PDGFRL: variants seen among roughly 807,000 people sequenced by gnomAD.
PDGFRL encodes the protein platelet-derived growth factor receptor-like protein.
A neutral mutation model predicts 37.2 loss-of-function variants in PDGFRL; 46 were observed. That is an observed-to-expected ratio of 1.24 (90% CI 0.98 to 1.58). PDGFRL has a LOEUF of 1.58. Ranked by LOEUF, PDGFRL falls within the 40% of genes most tolerant of loss-of-function variation. PDGFRL has a pLI of 0.00. For synonymous variants in PDGFRL, 251 were observed against 184.3 expected (o/e 1.36, Z -2.93); for missense variants, 692 against 467.6 (o/e 1.48, Z -4.43).
At chr8:17,582,756 T>A (rs1179027394) in intron 1 of PDGFRL, among the ~76,000 whole-genome samples, 2 of 152,068 alleles carry the variant, frequency 1.3e-5, no homozygotes, top group Non-Finnish European at 2.9e-5. Context: ...AAGGGCACAG[T>A]TGAGAGACTG....
intron 3 of PDGFRL, among the ~76,000 whole-genome samples, chr8:17,625,692 T>C (rs3862083): frequency 0.66 from 100,704 of 151,646 alleles, 36,442 homozygotes; most frequent in Non-Finnish European, 0.82. Context: ...GTATATATTA[T>C]AGTATAAGAA....
chr8:17,607,272 A>T (rs1804302168), intron 2 of PDGFRL, among the ~76,000 whole-genome samples: 1 of 151,532 alleles, frequency 6.6e-6, no homozygotes, highest in Non-Finnish European at 1.5e-5. Context: ...GGTTCTCTAG[A>T]TCACCCATTG....
intron 5 of PDGFRL, 144 bp downstream of exon 5, chr8:17,634,357 C>T: frequency 1.6e-6 from 1 of 611,862 alleles, no homozygotes; most frequent in Non-Finnish European, 2.8e-6. Context: ...TGTTGGGGGC[C>T]AGGTATTGTT....
chr8:17,623,501 A>C (rs1804672422), intron 3 of PDGFRL, among the ~76,000 whole-genome samples: 1 of 152,246 alleles, frequency 6.6e-6, no homozygotes, highest in South Asian at 2.1e-4. Flanking sequence ...CTTTGCCAAG[A>C]TTAGCACTGT....
intron 2 of PDGFRL, among the ~76,000 whole-genome samples, chr8:17,612,509 T>G (rs1804440895): frequency 6.6e-6 from 1 of 152,140 alleles, no homozygotes; most frequent in Admixed American, 6.5e-5. Flanking sequence ...TAGCTGAGAT[T>G]ACAAGCACCT....
At chr8:17,608,028 C>T (rs2517196) in intron 2 of PDGFRL, among the ~76,000 whole-genome samples, 105,685 of 152,122 alleles carry the variant, frequency 0.69, 38,012 homozygotes, top group East Asian at 0.84. Flanking sequence ...CTGGGGAGTC[C>T]GCCCAGAACC....
chr8:17,642,764 G>A lies in PDGFRL; in HGVS notation c.1091G>A (p.Gly364Glu). 1 of 1,611,594 alleles carries A rather than the reference G, an allele frequency of 6.2e-7. No individual in the cohort carries two copies. Among genetic ancestry groups the A allele is most frequent in the South Asian group, 1.1e-5 (1 of 91,004 alleles). ...ATTTGCACTGCTCAGAATCTTCAAG[G>A]ACAGACCACAGTAGCTACCACTGTT... ...YYICTAQNLQ[G>E]QTTVATTVEF... The change falls in exon 6 of 6, where the codon GGA becomes GAA. Residue 364 changes from glycine (G) to glutamate (E), a missense_variant. Gly to Glu is a moderately conservative substitution (Grantham distance 98). Coordinates refer to ENST00000251630, the MANE Select transcript of PDGFRL (RefSeq NM_001372073.1).
chr8:17,600,492 C>T (rs1804144079), intron 2 of PDGFRL, among the ~76,000 whole-genome samples: 1 of 152,188 alleles, frequency 6.6e-6, no homozygotes, highest in Non-Finnish European at 1.5e-5. Context: ...TAGCTGCCTG[C>T]TCACAATATC....
chr8:17,631,310 A>G (rs1056933271), intron 4 of PDGFRL, among the ~76,000 whole-genome samples: 3 of 152,064 alleles, frequency 2.0e-5, no homozygotes, highest in Admixed American at 1.3e-4. Context: ...CACCTTGACC[A>G]GGGGAGAGTG....
intron 2 of PDGFRL, among the ~76,000 whole-genome samples, chr8:17,596,031 G>C (rs1261204960): frequency 6.6e-6 from 1 of 152,178 alleles, no homozygotes; most frequent in Non-Finnish European, 1.5e-5. Flanking sequence ...AGGTGGGTGG[G>C]GCCTCCACAG....
In PDGFRL at chr8:17,634,284, A is replaced by G. The variant is rs564996600; in HGVS notation, c.939+71A>G. 18 of 1,276,962 alleles carry G rather than the reference A, an allele frequency of 1.4e-5. No homozygotes were observed. The African/African-American group carries it at 2.5e-4, about 18-fold the overall frequency. 79.1% of individuals were successfully genotyped at this position (1,276,962 alleles called of 1,614,324 possible). On this transcript the variant is annotated intron_variant, in intron 5 of 5. Coordinates refer to ENST00000251630, the MANE Select transcript of PDGFRL (RefSeq NM_001372073.1). ...ATCTCAGCCAGCCATTTTAATTCAC[A>G]GCTTCGTCCCCACCCAGTGCTATAT...
At chr8:17,597,657 A>G (rs571273685) in intron 2 of PDGFRL, among the ~76,000 whole-genome samples, 31 of 152,322 alleles carry the variant, frequency 2.0e-4, no homozygotes, top group Admixed American at 6.5e-5. Flanking sequence ...TGATTAAAAC[A>G]CAATATGAAG....
intron 2 of PDGFRL, among the ~76,000 whole-genome samples, chr8:17,616,887 C>T (rs932710456): frequency 6.6e-6 from 1 of 152,184 alleles, no homozygotes; most frequent in Non-Finnish European, 1.5e-5. Flanking sequence ...CTTGCAGAGT[C>T]TTCACCGGGG....
intron 2 of PDGFRL, among the ~76,000 whole-genome samples, chr8:17,602,117 C>T (rs1032897794): frequency 2.0e-5 from 3 of 151,944 alleles, no homozygotes; most frequent in Admixed American, 6.6e-5. Flanking sequence ...ATGACCTTGA[C>T]GGCATCTGTT....
chr8:17,609,999 G>C (rs530499768), intron 2 of PDGFRL, among the ~76,000 whole-genome samples: 2 of 152,344 alleles, frequency 1.3e-5, no homozygotes, highest in East Asian at 3.9e-4. Flanking sequence ...TTTCCCCGCA[G>C]TGAATTCACT....
chr8:17,612,219 C>A lies in PDGFRL; in HGVS notation c.354-8832C>A, dbSNP rs1028433448. 1.3e-4 allele frequency among the ~76,000 whole-genome samples: 20 copies of A among 152,288 alleles called. 1 individual carries two copies. In the South Asian group the frequency reaches 1.5e-3, roughly 11 times the overall value. On this transcript the variant is annotated intron_variant, in intron 2 of 5. Transcript: ENST00000251630. ...AAAGGCAACACTTTGTAAAACTAAC[C>A]TCCAGGTATTTAAATACACATGAGC...
intron 1 of PDGFRL, among the ~76,000 whole-genome samples, chr8:17,579,426 T>A (rs1207228098): frequency 6.6e-6 from 1 of 152,040 alleles, no homozygotes; most frequent in Non-Finnish European, 1.5e-5. Flanking sequence ...AGGTTGGGAA[T>A]ATCCTGCCTT....
chr8:17,606,516 G>T (rs2517191), intron 2 of PDGFRL, among the ~76,000 whole-genome samples: 3 of 152,108 alleles, frequency 2.0e-5, no homozygotes, highest in East Asian at 1.9e-4. Context: ...ATGACAAATA[G>T]GTGACCTAAC....
At chr8:17,632,640 G>T (rs1233545921) in intron 4 of PDGFRL, among the ~76,000 whole-genome samples, 2 of 152,172 alleles carry the variant, frequency 1.3e-5, no homozygotes, top group African/African-American at 4.8e-5. Context: ...CCCGTTCCCT[G>T]ATTTTAATTA....
Sources: allele counts gnomAD v4.1 joint callset (sites outside exome capture counted in the v4.1 genomes callset), GRCh38; gene constraint gnomAD v4.1.1; transcripts MANE v1.5; gene names NCBI Gene and HGNC (gene_info 2026-07-23, HGNC 2026-07-21).